The following WWOX variants were observed in gnomAD, a reference collection of about 807,000 sequenced individuals.
The protein encoded by WWOX is WW domain containing oxidoreductase.
A neutral mutation model predicts 46.2 loss-of-function variants in WWOX; 69 were observed. That is an observed-to-expected ratio of 1.49 (90% CI 1.23 to 1.82). The LOEUF is 1.82. Ranked by LOEUF, WWOX falls within the 40% of genes most tolerant of loss-of-function variation. The pLI is 0.00. For missense variants in WWOX, 919 were observed against 542.6 expected, an observed-to-expected ratio of 1.69 and a Z score of -6.89; for synonymous variants, 359 against 202.6, an observed-to-expected ratio of 1.77 and a Z score of -6.56.
At chr16:78,698,692 T>G (rs1057474960) in intron 8 of WWOX, among the ~76,000 whole-genome samples, 1 of 152,182 alleles carries the variant, frequency 6.6e-6, no homozygotes, top group African/African-American at 2.4e-5. Flanking sequence ...TAAGTATTCT[T>G]AAGCCAGGTG....
intron 8 of WWOX, among the ~76,000 whole-genome samples, chr16:78,548,192 G>T (rs983128909): frequency 7.7e-6 from 1 of 130,150 alleles, no homozygotes; most frequent in African/African-American, 2.7e-5. Context: ...CGAATTTTGC[G>T]AGGACGCAAA....
rs966299256 is a variant in WWOX, at chr16:78,911,150, G to A, written c.1057-300458G>A. Among the ~76,000 whole-genome samples the A allele has an allele frequency of 3.3e-5, 5 of 151,904 alleles. 1 individual carries two copies. Among genetic ancestry groups the A allele is most frequent in the Non-Finnish European group, 7.4e-5 (5 of 67,988 alleles). On this transcript the variant is annotated intron_variant, in intron 8 of 8. Coordinates refer to ENST00000566780, the MANE Select transcript of WWOX (RefSeq NM_016373.4). ...AGTCTGCTTGTCTTCCTAGGCCCTT[G>A]TCAGAGTGGAAGGTGGCCCTCCACC...
chr16:79,027,719 C>T (rs1385443248), intron 8 of WWOX, among the ~76,000 whole-genome samples: 2 of 151,672 alleles, frequency 1.3e-5, no homozygotes, highest in South Asian at 2.1e-4. Flanking sequence ...AGTAATGACT[C>T]ATCCTTTTAT....
rs111419641 is a variant in WWOX, at chr16:78,216,723, C to A, written c.516+52434C>A. The stretch of plus-strand genomic sequence containing the variant: ...GGCCCACCTAGATAACCAGGGTCCT[C>A]TCCCTATTTATTTTTATTTTATTTG... On this transcript the variant is annotated intron_variant, in intron 5 of 8. Coordinates refer to ENST00000566780, the MANE Select transcript of WWOX (RefSeq NM_016373.4). Among the ~76,000 whole-genome samples, 851 of 151,820 alleles carry A rather than the reference C, an allele frequency of 5.6e-3. 11 individuals carry two copies. The highest frequency in any genetic ancestry group is 0.02 in the African/African-American group (813 of 41,392).
At chr16:78,100,724 C>T (rs527596205) in intron 1 of WWOX, among the ~76,000 whole-genome samples, 1 of 152,354 alleles carries the variant, frequency 6.6e-6, no homozygotes, top group South Asian at 2.1e-4. Context: ...AGTTCAGGCA[C>T]TGTGCGTAAA....
chr16:78,816,328 T>C lies in WWOX; in HGVS notation c.1056+383576T>C, dbSNP rs142424491. ...ATGTTCACTTCATTTTTTCCTGATA[T>C]ATCGAGGACTCCAGATGTAACCTCA... On this transcript the variant is annotated intron_variant, in intron 8 of 8. Transcript: ENST00000566780. Among the ~76,000 whole-genome samples, 8 of 152,250 alleles carry C rather than the reference T, an allele frequency of 5.3e-5. No homozygotes were observed. The East Asian group carries it at 1.4e-3, about 26-fold the overall frequency.
chr16:78,282,262 C>A (rs781666341), intron 5 of WWOX, among the ~76,000 whole-genome samples: 2 of 152,182 alleles, frequency 1.3e-5, no homozygotes, highest in Admixed American at 6.5e-5. Flanking sequence ...AAATCTATAG[C>A]TTCTACCGTC....
intron 8 of WWOX, among the ~76,000 whole-genome samples, chr16:78,882,862 A>G (rs1021746581): frequency 3.3e-5 from 5 of 152,110 alleles, no homozygotes; most frequent in Non-Finnish European, 5.9e-5. Context: ...GCATTTAGCA[A>G]AGACTTCCTG....
intron 8 of WWOX, among the ~76,000 whole-genome samples, chr16:79,069,326 C>G (rs2048504659): frequency 6.6e-6 from 1 of 152,180 alleles, no homozygotes; most frequent in Non-Finnish European, 1.5e-5. Context: ...ACCACCAAGC[C>G]AACATGAGCT....
chr16:78,981,452 T>C (rs974962913), intron 8 of WWOX, among the ~76,000 whole-genome samples: 2 of 151,952 alleles, frequency 1.3e-5, no homozygotes, highest in Non-Finnish European at 2.9e-5. Context: ...TTTTTTTTTT[T>C]TTTTAGGTGG....
chr16:78,620,109 C>T (rs1187667070), intron 8 of WWOX, among the ~76,000 whole-genome samples: 11 of 152,224 alleles, frequency 7.2e-5, no homozygotes, highest in Admixed American at 7.2e-4. Context: ...GTATTTGGCA[C>T]ACAGTTGATG....
At chr16:78,335,322 G>A (rs939436714) in intron 5 of WWOX, among the ~76,000 whole-genome samples, 2 of 152,054 alleles carry the variant, frequency 1.3e-5, no homozygotes, top group African/African-American at 2.4e-5. Context: ...CGCCTCCACC[G>A]TGTGTCCATG....
chr16:78,814,470 GAA>G (rs201581368), intron 8 of WWOX, among the ~76,000 whole-genome samples: 9 of 144,874 alleles, frequency 6.2e-5, no homozygotes, highest in African/African-American at 2.0e-4. Flanking sequence ...AGCCTCTCTT[GAA>G]AAAAAAAAAA....
intron 8 of WWOX, among the ~76,000 whole-genome samples, chr16:79,057,074 C>A (rs1290061014): frequency 6.6e-6 from 1 of 152,184 alleles, no homozygotes; most frequent in Non-Finnish European, 1.5e-5. Context: ...CGCCATGGGC[C>A]TGAATTGAAG....
chr16:78,244,955 T>C (rs1302484485), intron 5 of WWOX, among the ~76,000 whole-genome samples: 1 of 152,244 alleles, frequency 6.6e-6, no homozygotes, highest in Non-Finnish European at 1.5e-5. Flanking sequence ...ATATATCTAC[T>C]CTTAGCATTT....
chr16:79,172,225 G>A (rs1597444013), intron 8 of WWOX, among the ~76,000 whole-genome samples: 2 of 152,208 alleles, frequency 1.3e-5, no homozygotes, highest in Admixed American at 1.3e-4. Context: ...TTCCCCACTT[G>A]GCACTGAGCC....
At chr16:78,630,002 C>G (rs1440446592) in intron 8 of WWOX, among the ~76,000 whole-genome samples, 3 of 152,148 alleles carry the variant, frequency 2.0e-5, no homozygotes, top group African/African-American at 4.8e-5. Flanking sequence ...TCTTCCCTGC[C>G]TTCTTTTTTT....
At chr16:79,039,301 C>G (rs1391261868) in intron 8 of WWOX, among the ~76,000 whole-genome samples, 2 of 152,192 alleles carry the variant, frequency 1.3e-5, no homozygotes, top group African/African-American at 2.4e-5. Flanking sequence ...CTTGGATTGC[C>G]TCCTCTCCTG....
chr16:78,119,707 C>T (rs1452931418), intron 4 of WWOX, among the ~76,000 whole-genome samples: 1 of 151,382 alleles, frequency 6.6e-6, no homozygotes, highest in Non-Finnish European at 1.5e-5. Context: ...TTCAAGTGAT[C>T]CTCCCACCTT....
Sources: allele counts gnomAD v4.1 joint callset (sites outside exome capture counted in the v4.1 genomes callset), GRCh38; gene constraint gnomAD v4.1.1; transcripts MANE v1.5; gene names NCBI Gene and HGNC (gene_info 2026-07-23, HGNC 2026-07-21).